CELF2: variants seen among roughly 807,000 people sequenced by gnomAD.
CELF2 encodes the protein CUGBP Elav-like family member 2.
Under a neutral mutation model 62.6 loss-of-function variants are expected in CELF2, and 8 were observed. That is an observed-to-expected ratio of 0.13 (90% confidence interval 0.07 to 0.23). The LOEUF (loss-of-function observed/expected upper bound fraction) is 0.23. Ranked by LOEUF, CELF2 falls within the 10% of genes least tolerant of loss-of-function variation. The probability of loss-of-function intolerance (pLI) is 1.00; values close to 1 mark genes in which losing one functional copy is unlikely to be tolerated. For synonymous variants in CELF2, 258 were observed against 250.0 expected (o/e 1.03, Z -0.30); for missense variants, 333 against 671.0 (o/e 0.50, Z 5.56).
the CELF2 span, among the ~76,000 whole-genome samples, chr10:10,549,911 G>T: frequency 3.3e-5 from 5 of 152,288 alleles, no homozygotes; most frequent in East Asian, 7.7e-4. Flanking sequence ...ACTGTGTGGG[G>T]AAAGGAAGGT....
Position 11,169,665 on chromosome 10 carries a change from C to G in CELF2, c.271+3983C>G, listed in dbSNP as rs673339. Among the ~76,000 whole-genome samples the G allele has an allele frequency of 3.7e-3, 566 of 152,166 alleles. 3 individuals are homozygous for G. The highest frequency in any genetic ancestry group is 0.013 in the African/African-American group (519 of 41,476). On this transcript the variant is annotated intron_variant, in intron 2 of 12. Transcript: ENST00000633077. ...GGATTTAAAATTCCTTTGTTAGACTCTCGAGACTCTAGGAATATTTTAGCA... is the reference window on the plus strand; with the variant it reads ...GGATTTAAAATTCCTTTGTTAGACTGTCGAGACTCTAGGAATATTTTAGCA...
At chr10:11,017,691 C>T (rs576178344), upstream of CELF2, among the ~76,000 whole-genome samples, 1 of 152,172 alleles carries the variant, frequency 6.6e-6, no homozygotes, top group South Asian at 2.1e-4. The surrounding 1 kb of genome is among the most constrained non-coding windows in gnomAD (Gnocchi z 5.5). Flanking sequence ...GGAGCAGAGC[C>T]AGGCGGGGAG....
the CELF2 span, among the ~76,000 whole-genome samples, chr10:10,535,419 C>T: frequency 2.4e-4 from 36 of 152,278 alleles, no homozygotes; most frequent in African/African-American, 8.4e-4. Context: ...TACCTTGTCC[C>T]TTCGATTAGG....
At chr10:10,557,799 G>T in the CELF2 span, among the ~76,000 whole-genome samples, 3 of 143,352 alleles carry the variant, frequency 2.1e-5, no homozygotes, top group African/African-American at 7.8e-5. Flanking sequence ...TGAAGCAATT[G>T]TGAATGGGAG....
rs2046464097 is a variant in CELF2 at position 10,936,946 on chromosome 10, G to A, written c.89+16947G>A. On this transcript the variant is annotated intron_variant, in intron 2 of 13. Transcript: ENST00000636488. The surrounding 1 kb of genome is among the most constrained non-coding windows in gnomAD (Gnocchi z 4.0). The stretch of plus-strand genomic sequence containing the variant: ...TCAGACCATCCTTTGAGGAGCAAAC[G>A]ACTACAGAGCCACCAGTCCCATCTT... 6.6e-6 allele frequency among the ~76,000 whole-genome samples: 1 copy of A among 152,180 alleles called. No individual in the cohort carries two copies. Among genetic ancestry groups the A allele is most frequent in the South Asian group, 2.1e-4 (1 of 4,814 alleles).
chr10:10,800,124 T>C (rs2054514676), intron 1 of CELF2, among the ~76,000 whole-genome samples: 1 of 152,244 alleles, frequency 6.6e-6, no homozygotes. Flanking sequence ...AACAAGATTA[T>C]AGAAAAGAGC....
In CELF2 at chr10:11,217,559, C is replaced by A; in HGVS notation, c.354+52C>A. 1 of 1,371,020 alleles carries A rather than the reference C, an allele frequency of 7.3e-7. No individual in the cohort carries two copies. Among genetic ancestry groups the A allele is most frequent in the Non-Finnish European group, 1.0e-6 (1 of 967,904 alleles). 84.9% of individuals were successfully genotyped at this position (1,371,020 alleles called of 1,614,324 possible). ...ATCACTTTATTGCTTGAAAATGGTC[C>A]TTTCAACTGAAGGTTCTAGTTATGG... On this transcript the variant is annotated intron_variant, in intron 3 of 12. Coordinates refer to ENST00000633077, the MANE Select transcript of CELF2 (RefSeq NM_001326342.2). This position sits in a 1 kb window ranked among gnomAD's most constrained non-coding sequence, Gnocchi z 5.6.
At chr10:10,666,614 G>A in the CELF2 span, among the ~76,000 whole-genome samples, 2 of 75,858 alleles carry the variant, frequency 2.6e-5, 1 homozygote, top group Non-Finnish European at 5.1e-5. Flanking sequence ...TGTAATCCCA[G>A]CACTTTGGGA....
chr10:10,525,190 A>T, the CELF2 span, among the ~76,000 whole-genome samples: 41,342 of 152,036 alleles, frequency 0.27, 6,080 homozygotes, highest in Non-Finnish European at 0.34. Flanking sequence ...TACGTTGTTA[A>T]TAACTGCAGT....
rs942213428 is a variant in CELF2 at position 11,244,458 on chromosome 10, C to T, written c.355-4695C>T. 2.6e-5 allele frequency among the ~76,000 whole-genome samples: 4 copies of T among 152,096 alleles called. No homozygotes were observed. The highest frequency in any genetic ancestry group is 7.2e-5 in the African/African-American group (3 of 41,410). The stretch of plus-strand genomic sequence containing the variant: ...CCCAAGGTCAGGAGATCGAGACCAT[C>T]GTGGCTAACATGGTGAAACCCTGTC... On this transcript the variant is annotated intron_variant, in intron 3 of 12. Coordinates refer to ENST00000633077, the MANE Select transcript of CELF2 (RefSeq NM_001326342.2). The surrounding 1 kb of genome is among the most constrained non-coding windows in gnomAD (Gnocchi z 4.2).
At chr10:11,053,318 T>A (rs2064335057) in intron 1 of CELF2, among the ~76,000 whole-genome samples, 1 of 152,214 alleles carries the variant, frequency 6.6e-6, no homozygotes, top group South Asian at 2.1e-4. Context: ...GTAGACAGAA[T>A]ACTCTGATCT....
At chr10:10,531,359 C>T in the CELF2 span, among the ~76,000 whole-genome samples, 17 of 152,256 alleles carry the variant, frequency 1.1e-4, no homozygotes, top group East Asian at 9.6e-4. Context: ...ATTTTAATCA[C>T]GCTCTAAAAC....
intron 1 of CELF2, among the ~76,000 whole-genome samples, chr10:10,802,155 A>G (rs996067747): frequency 6.6e-6 from 1 of 152,226 alleles, no homozygotes; most frequent in Admixed American, 6.5e-5. Flanking sequence ...AAAAAAGTTG[A>G]CACTGTATTA....
intron 1 of CELF2, among the ~76,000 whole-genome samples, chr10:11,025,429 C>T (rs138932338): frequency 3.3e-5 from 5 of 152,138 alleles, no homozygotes; most frequent in East Asian, 1.9e-4. Context: ...CGAGTTCTCA[C>T]GAGATCCGAT....
intron 1 of CELF2, among the ~76,000 whole-genome samples, chr10:11,034,691 T>C (rs1339322777): frequency 2.0e-5 from 3 of 152,130 alleles, no homozygotes; most frequent in African/African-American, 7.2e-5. Context: ...GCTGCAGTGG[T>C]GGTGGTGCAC....
intron 5 of CELF2, among the ~76,000 whole-genome samples, chr10:11,265,777 A>G (rs2082046131): frequency 6.6e-6 from 1 of 152,222 alleles, no homozygotes; most frequent in Admixed American, 6.5e-5. Context: ...GGAAAGTTTC[A>G]CTGGTCTCCC....
At chr10:10,651,596 CCCCAGCAGGGGCACACTGACACCT>C in the CELF2 span, among the ~76,000 whole-genome samples, 1 of 143,262 alleles carries the variant, frequency 7.0e-6, no homozygotes, top group African/African-American at 2.6e-5. Context: ...GGGAGGCACC[CCCCAGCAGGGGCACACTGACACCT>C]CACACGGCAG....
the CELF2 span, among the ~76,000 whole-genome samples, chr10:10,512,534 C>T: frequency 1.3e-5 from 2 of 151,750 alleles, no homozygotes; most frequent in African/African-American, 4.8e-5. Flanking sequence ...AGCCTCCTGC[C>T]TCAGCCTCCT....
chr10:11,222,930 A>G (rs1230431886), intron 3 of CELF2, among the ~76,000 whole-genome samples: 1 of 152,226 alleles, frequency 6.6e-6, no homozygotes. Context: ...ATATGCCCAT[A>G]AACATACCTT....
Sources: gnomAD v4.1 joint callset for allele counts (sites outside exome capture counted in the v4.1 genomes callset) on GRCh38, gnomAD v4.1.1 for gene constraint, Gnocchi (gnomAD v3.1) non-coding constraint, MANE v1.5 for transcripts, NCBI Gene and HGNC (gene_info 2026-07-23, HGNC 2026-07-21) for gene names.